The following MAD1L1 variants were observed in gnomAD, a reference collection of about 807,000 sequenced individuals.
MAD1L1 encodes the protein mitotic arrest deficient 1 like 1.
Under a neutral mutation model 96.9 loss-of-function variants are expected in MAD1L1, and 95 were observed. The observed-to-expected ratio is 0.98, with a 90% confidence interval of 0.83 to 1.16. The LOEUF (loss-of-function observed/expected upper bound fraction) is 1.16. MAD1L1 is among the 50% of genes most tolerant of loss of function. The pLI, the probability that MAD1L1 is intolerant of heterozygous loss-of-function variation, is 0.00. For synonymous variants in MAD1L1, 473 were observed against 396.6 expected (o/e 1.19, Z -2.29); for missense variants, 1,007 against 954.4 (o/e 1.06, Z -0.73).
chr7:2,052,912 C>T (rs1464382961), intron 12 of MAD1L1, among the ~76,000 whole-genome samples: 3 of 152,114 alleles, frequency 2.0e-5, no homozygotes, highest in Non-Finnish European at 4.4e-5. Flanking sequence ...GTGTCCCCAG[C>T]AGGACATGTG....
At chr7:2,209,314 G>A (rs888345673) in intron 10 of MAD1L1, among the ~76,000 whole-genome samples, 6 of 152,146 alleles carry the variant, frequency 3.9e-5, no homozygotes, top group Admixed American at 1.3e-4. Flanking sequence ...ATCCAAGCCC[G>A]GGGCGAGGCC....
rs575049826 is a variant in MAD1L1, at chr7:2,073,464, C to T, written c.1074-4126G>A. ...ACCCAACCCCCTCCTCTTGCCCCTACCCTTAGCATAACTAGAGCCTGGGAT... is the reference window on the plus strand; with the variant it reads ...ACCCAACCCCCTCCTCTTGCCCCTATCCTTAGCATAACTAGAGCCTGGGAT... On this transcript the variant is annotated intron_variant, in intron 11 of 18. Coordinates refer to ENST00000265854, the MANE Select transcript of MAD1L1 (RefSeq NM_001013836.2). 2.7e-4 allele frequency among the ~76,000 whole-genome samples: 41 copies of T among 152,304 alleles called. No individual in the cohort carries two copies. In the East Asian group the frequency reaches 7.9e-3, roughly 29 times the overall value.
intron 14 of MAD1L1, among the ~76,000 whole-genome samples, chr7:1,982,050 G>A (rs1043552356): frequency 6.6e-6 from 1 of 152,084 alleles, no homozygotes; most frequent in Non-Finnish European, 1.5e-5. Context: ...TGAGGTTTGA[G>A]CATATGTTCC....
chr7:1,992,571 G>A (rs999730705), intron 14 of MAD1L1, among the ~76,000 whole-genome samples: 1 of 152,198 alleles, frequency 6.6e-6, no homozygotes, highest in African/African-American at 2.4e-5. Flanking sequence ...CCTACAGAAA[G>A]GGCCTCCCTC....
intron 10 of MAD1L1, among the ~76,000 whole-genome samples, chr7:2,171,489 A>C (rs1639901): frequency 5.9e-5 from 8 of 136,362 alleles, no homozygotes; most frequent in African/African-American, 2.1e-4. Flanking sequence ...GCAGAGAAGG[A>C]CAGCAGCCGG....
intron 18 of MAD1L1, among the ~76,000 whole-genome samples, chr7:1,861,957 G>A (rs865871866): frequency 3.9e-5 from 6 of 152,148 alleles, no homozygotes; most frequent in African/African-American, 1.2e-4. Flanking sequence ...TGCTGGGAAC[G>A]TAGAGGGCTG....
At chr7:2,033,721 G>C (rs2128507562) in intron 12 of MAD1L1, among the ~76,000 whole-genome samples, 1 of 152,378 alleles carries the variant, frequency 6.6e-6, no homozygotes, top group African/African-American at 2.4e-5. Context: ...CACCTGCTGG[G>C]ACAGCAGTCA....
intron 16 of MAD1L1, among the ~76,000 whole-genome samples, chr7:1,954,215 A>G (rs139964463): frequency 6.6e-6 from 1 of 152,272 alleles, no homozygotes; most frequent in Non-Finnish European, 1.5e-5. Context: ...CTGGTTCACC[A>G]GGTATGTGCA....
rs771335955 is a variant in MAD1L1, at chr7:1,898,164, C to G, written c.1998+36G>C. ...TCTCCCCACAGGAGGAGACAGAGAG[C>G]GAGACAGCCGGAGAGCCGTCACACG... On this transcript the variant is annotated intron_variant, in intron 18 of 18. Transcript: ENST00000265854. The G allele has an allele frequency of 2.2e-5, 34 of 1,562,516 alleles. 1 individual carries two copies. In the South Asian group the frequency reaches 3.8e-4, roughly 18 times the overall value.
chr7:2,067,106 G>A lies in MAD1L1; in HGVS notation c.1218+2088C>T, dbSNP rs575467096. ...ACTCCCCAGCCCCGACCCAGAATCG[G>A]GGACTGGGCCCAACAACAAGGTGCA... On this transcript the variant is annotated intron_variant, in intron 12 of 18. Transcript: ENST00000265854. 4.6e-5 allele frequency among the ~76,000 whole-genome samples: 7 copies of A among 152,310 alleles called. No homozygotes were observed. The South Asian group carries it at 1.4e-3, about 32-fold the overall frequency.
At position 2,037,231 on chromosome 7, in the gene MAD1L1, G is replaced by A. The variant is rs577998116; in HGVS notation, c.1219-22589C>T. ...TCTTTTTTTTTTTTTTTTTTAGAAC[G>A]GGTTTAGATTTAGAAGAATGGAGAA... On this transcript the variant is annotated intron_variant, in intron 12 of 18. Transcript: ENST00000265854. Among the ~76,000 whole-genome samples the A allele has an allele frequency of 1.1e-4, 17 of 148,972 alleles. No individual in the cohort carries two copies. In the South Asian group the frequency reaches 3.2e-3, roughly 28 times the overall value.
intron 18 of MAD1L1, among the ~76,000 whole-genome samples, chr7:1,889,988 A>C (rs1786436107): frequency 6.6e-6 from 1 of 152,166 alleles, no homozygotes; most frequent in South Asian, 2.1e-4. Flanking sequence ...AGGGCTGTGA[A>C]GGCAGCTGGG....
In MAD1L1 at chr7:2,035,229, C is replaced by T. The variant is rs1423438204; in HGVS notation, c.1219-20587G>A. 3.4e-5 allele frequency among the ~76,000 whole-genome samples: 5 copies of T among 148,538 alleles called. No individual in the cohort carries two copies. The East Asian group carries it at 8.1e-4, about 24-fold the overall frequency. ...CAAGGACACGCTGAGAAATGTAAAC[C>T]GGAGTCCAGGCTCCCAGGCATGAGC... On this transcript the variant is annotated intron_variant, in intron 12 of 18. Coordinates refer to ENST00000265854, the MANE Select transcript of MAD1L1 (RefSeq NM_001013836.2).
intron 18 of MAD1L1, among the ~76,000 whole-genome samples, chr7:1,852,092 G>A (rs1784007858): frequency 6.6e-6 from 1 of 152,204 alleles, no homozygotes; most frequent in African/African-American, 2.4e-5. Context: ...CCCTCCTGAG[G>A]CCCGAGACCC....
At chr7:2,015,464 C>T (rs953976231) in intron 12 of MAD1L1, among the ~76,000 whole-genome samples, 12 of 152,226 alleles carry the variant, frequency 7.9e-5, no homozygotes, top group African/African-American at 1.9e-4. Flanking sequence ...TCAGGGGCCC[C>T]GGGAGCTGTG....
intron 15 of MAD1L1, among the ~76,000 whole-genome samples, chr7:1,962,701 T>G (rs923047313): frequency 3.9e-5 from 6 of 152,184 alleles, no homozygotes; most frequent in African/African-American, 1.4e-4. Context: ...GAAAAGATGT[T>G]CAACATCATT....
At chr7:2,180,789 G>C (rs1368652864) in intron 10 of MAD1L1, among the ~76,000 whole-genome samples, 1 of 152,064 alleles carries the variant, frequency 6.6e-6, no homozygotes, top group East Asian at 1.9e-4. Flanking sequence ...TAATAATTTT[G>C]TAAATGTGTA....
chr7:1,973,539 G>A (rs117837113), intron 15 of MAD1L1, among the ~76,000 whole-genome samples: 3,271 of 152,128 alleles, frequency 0.022, 36 homozygotes, highest in Middle Eastern at 0.037. Context: ...CACGAGGGCC[G>A]CAGACAGCTG....
At chr7:2,085,640 C>A (rs975707284) in intron 11 of MAD1L1, among the ~76,000 whole-genome samples, 1 of 152,224 alleles carries the variant, frequency 6.6e-6, no homozygotes, top group Non-Finnish European at 1.5e-5. Flanking sequence ...CCAGTCCCTG[C>A]TGCAGCATAC....
Sources: gnomAD v4.1 joint callset for allele counts (sites outside exome capture counted in the v4.1 genomes callset) on GRCh38, gnomAD v4.1.1 for gene constraint, MANE v1.5 for transcripts, NCBI Gene and HGNC (gene_info 2026-07-23, HGNC 2026-07-21) for gene names.